NEB: variants seen among roughly 807,000 people sequenced by gnomAD.
NEB encodes nemaline myopathy type 2.
A neutral mutation model predicts 952.2 loss-of-function variants in NEB; 512 were observed. The ratio of observed to expected loss-of-function variants is 0.54; its 90% CI spans 0.50 to 0.58. The LOEUF (loss-of-function observed/expected upper bound fraction) is 0.58, where lower values mean the gene tolerates loss of function less well. NEB is among the 20% of genes least tolerant of loss of function. The pLI, the probability that NEB is intolerant of heterozygous loss-of-function variation, is 0.00. For missense variants in NEB, 8,428 were observed against 9,231.1 expected, an observed-to-expected ratio of 0.91 and a Z score of 3.56; for synonymous variants, 2,900 against 3,149.8, an observed-to-expected ratio of 0.92 and a Z score of 2.66.
chr2:151,677,482 G>GA (rs1392716581), intron 34 of NEB, 83 bp downstream of exon 34: 28 of 1,064,416 alleles, frequency 2.6e-5, no homozygotes, highest in South Asian at 2.9e-5. Context: ...TATTGGCCCA[G>GA]AAAAAAAATA....
intron 168 of NEB, among the ~76,000 whole-genome samples, chr2:151,500,108 G>C (rs1174307517): frequency 6.6e-6 from 1 of 151,804 alleles, no homozygotes; most frequent in African/African-American, 2.4e-5. Flanking sequence ...CAACCCACAG[G>C]GAAAACAATG....
intron 127 of NEB, among the ~76,000 whole-genome samples, chr2:151,553,033 A>G (rs1451734198): frequency 6.6e-6 from 1 of 152,226 alleles, no homozygotes; most frequent in Non-Finnish European, 1.5e-5. Context: ...TACAGTATTT[A>G]ATTTGCGTGG....
chr2:151,617,350 AACAGTTT>A lies in NEB; in HGVS notation c.11181+7_11181+13del. 6.6e-7 allele frequency: 1 copy of A among 1,511,832 alleles called. No homozygotes were observed. The highest frequency in any genetic ancestry group is 9.0e-7 in the Non-Finnish European group (1 of 1,110,064). The allele number at this position is 1,511,832 out of a possible 1,614,324, so 93.7% of individuals were successfully genotyped here. On this transcript the variant is annotated splice_region_variant and intron_variant, in intron 75 of 181. Coordinates refer to ENST00000397345, the MANE Select transcript of NEB (RefSeq NM_001164508.2). Reference sequence around the variant, plus strand: ...TTGCCTTTCTGTTCATTACAAGATCAACAGTTTACTTACATCACTGTAGTTTATTCGG... The same window carrying A: ...TTGCCTTTCTGTTCATTACAAGATCAACTTACATCACTGTAGTTTATTCGG...
intron 13 of NEB, among the ~76,000 whole-genome samples, chr2:151,700,013 T>C (rs1393135362): frequency 8.1e-6 from 1 of 123,760 alleles, no homozygotes; most frequent in Non-Finnish European, 1.7e-5. Context: ...CGTTTAAGTC[T>C]TTAATCCATC....
chr2:151,622,289 T>C (rs911672250), intron 71 of NEB, among the ~76,000 whole-genome samples: 2 of 152,192 alleles, frequency 1.3e-5, no homozygotes, highest in African/African-American at 4.8e-5. Flanking sequence ...CACCCAGCCA[T>C]GTTTGGTAAA....
In NEB at chr2:151,659,151, A is replaced by T. The variant is rs761695443; in HGVS notation, c.5989T>A (p.Trp1997Arg). Residue 1997 changes from tryptophan to arginine, a missense_variant, in exon 47 of 182, where the codon TGG becomes AGG. By Grantham distance (101) the Trp-to-Arg change is moderately radical (BLOSUM62 -3). Transcript: ENST00000397345. ...TGGACTTTGGTTTTGTCAGCCTCCC[A>T]TGCTTGTTTGTAGAGATGCTAGGAA... ...IMNEHLYKQAWEADKTKVHIM... is the reference protein window; with the variant it reads ...IMNEHLYKQAREADKTKVHIM... 2.5e-6 allele frequency: 4 copies of T among 1,612,080 alleles called. No individual in the cohort carries two copies. Among genetic ancestry groups the T allele is most frequent in the South Asian group, 2.2e-5 (2 of 91,014 alleles).
intron 52 of NEB, among the ~76,000 whole-genome samples, chr2:151,652,015 T>C (rs995258905): frequency 6.6e-6 from 1 of 152,094 alleles, no homozygotes; most frequent in African/African-American, 2.4e-5. Flanking sequence ...GATTGAAGAA[T>C]TTATAAAACT....
At chr2:151,524,286 C>A in intron 153 of NEB, 25 bp downstream of exon 153, 1 of 1,585,686 alleles carries the variant, frequency 6.3e-7, no homozygotes, top group Non-Finnish European at 8.7e-7. Flanking sequence ...CACATGAGAG[C>A]CACCAGTGCA....
chr2:151,506,131 A>C (rs1055851134), intron 164 of NEB, 35 bp downstream of exon 164: 17 of 1,524,250 alleles, frequency 1.1e-5, no homozygotes, highest in Admixed American at 5.0e-5. Context: ...AAAGGGAGGC[A>C]GAAAATATTG....
chr2:151,669,480 T>C (rs2099259833), intron 38 of NEB, among the ~76,000 whole-genome samples: 1 of 152,150 alleles, frequency 6.6e-6, no homozygotes, highest in Non-Finnish European at 1.5e-5. Flanking sequence ...ATGGAATCAT[T>C]GTAGCAAAGA....
At chr2:151,497,176 C>G in intron 171 of NEB, 143 bp from the exon 172 acceptor site, 1 of 1,272,632 alleles carries the variant, frequency 7.9e-7, no homozygotes, top group Non-Finnish European at 1.1e-6. Context: ...CAAAATGCCA[C>G]CGACTACTTT....
chr2:151,621,139 C>G, intron 71 of NEB, 113 bp from the exon 72 acceptor site: 1 of 667,272 alleles, frequency 1.5e-6, no homozygotes, highest in Non-Finnish European at 2.6e-6. Flanking sequence ...TATGTTCAGC[C>G]TTAAATCAGA....
At position 151,612,379 on chromosome 2, in the gene NEB, T is replaced by G; in HGVS notation, c.11612A>C (p.Lys3871Thr). ...GCCTCTCAGCCACTCAAGATCAGAT[T>G]TGTAAATAGCCTGAAAATGAAATAA... ...AYDLQSDAIY[K>T]SDLEWLRGIG... Residue 3871 changes from lysine (K) to threonine (T), a missense_variant, in exon 78 of 182, where the codon AAA becomes ACA. This residue lies in a region of NEB where 337 missense variants were observed against 297.5 expected (regional missense o/e 1.13). Coordinates refer to ENST00000397345, the MANE Select transcript of NEB (RefSeq NM_001164508.2). 2 of 1,613,578 alleles carry G rather than the reference T, an allele frequency of 1.2e-6. No individual in the cohort carries two copies. The highest frequency in any genetic ancestry group is 8.5e-7 in the Non-Finnish European group (1 of 1,179,628).
intron 137 of NEB, 47 bp downstream of exon 137, chr2:151,540,650 G>T (rs145062151): frequency 2.0e-6 from 3 of 1,527,232 alleles, no homozygotes; most frequent in Non-Finnish European, 1.8e-6. Context: ...TTTTAACAAA[G>T]TATTTTTCTT....
At position 151,537,173 on chromosome 2, in the gene NEB, CAGGGGTATCAT is replaced by C. The variant is rs2093337462; in HGVS notation, c.21155_21165del (p.Tyr7052Ter). ...TTGTTCTTTTCAGCCAGAGTGAAATCAGGGGTATCATAGGCATAGCAACCAATGCCTTTAAG... is the reference window on the plus strand; with the variant it reads ...TTGTTCTTTTCAGCCAGAGTGAAATCAGGCATAGCAACCAATGCCTTTAAG... On this transcript the variant is annotated frameshift_variant, in exon 141 of 182. Transcript: ENST00000397345. LOFTEE classifies it high-confidence loss of function. 1 of 1,612,986 alleles carries C rather than the reference CAGGGGTATCAT, an allele frequency of 6.2e-7. No homozygotes were observed. The highest frequency in any genetic ancestry group is 1.3e-5 in the African/African-American group (1 of 74,856).
rs751872533 is a variant in NEB, at chr2:151,529,211, T to C, written c.21734A>G (p.Asn7245Ser). 1.2e-5 allele frequency: 20 copies of C among 1,600,280 alleles called. No individual in the cohort carries two copies. Among genetic ancestry groups the C allele is most frequent in the Non-Finnish European group, 1.6e-5 (19 of 1,167,704 alleles). ...AAKDAYKVNT[N>S]LDYKKQYEAN... ...CTTGGGGAAGTTTCTGGAACTTACA[T>C]TGGTGTTGACTTTGTAGGCGTCCTT... The change falls in exon 146 of 182, where the codon AAT (asparagine) becomes AGT (serine). Residue 7245 changes from asparagine to serine, a missense_variant and splice_region_variant. Around this residue, in one of 11 missense-constraint regions of NEB, gnomAD observed 3,374 missense variants for 3,651.5 expected, o/e 0.92. Transcript: ENST00000397345.
rs181926631 is a variant in NEB at position 151,665,882 on chromosome 2, A to G, written c.5031+208T>C. Among the ~76,000 whole-genome samples, 161 of 152,320 alleles carry G rather than the reference A, an allele frequency of 1.1e-3. 2 individuals carry two copies. The highest frequency in any genetic ancestry group is 3.3e-3 in the African/African-American group (139 of 41,568). Reference sequence around the variant, plus strand: ...ACAACATCATATGTTTGGGTCTAATACCAACATTTTAAATATATTTGTATG... The same window carrying G: ...ACAACATCATATGTTTGGGTCTAATGCCAACATTTTAAATATATTTGTATG... On this transcript the variant is annotated intron_variant, in intron 41 of 181. Coordinates refer to ENST00000397345, the MANE Select transcript of NEB (RefSeq NM_001164508.2).
rs1424776223 is a variant in NEB, at chr2:151,576,268, G to A, written c.16791C>T (p.Ala5597=). 4.3e-6 allele frequency: 7 copies of A among 1,610,862 alleles called. No individual in the cohort carries two copies. Among genetic ancestry groups the A allele is most frequent in the African/African-American group, 2.7e-5 (2 of 74,648 alleles). Reference sequence around the variant, plus strand: ...AGACACTGTCACAAAAGATATTCTGGGCGTTTTTGACTCTCAACACTTCAG... The same window carrying A: ...AGACACTGTCACAAAAGATATTCTGAGCGTTTTTGACTCTCAACACTTCAG... The part of the protein sequence containing the change: ...GSPEVLRVKN[A]QNIFCDSVYR... The change falls in exon 106 of 182, where the codon GCC becomes GCT. Residue 5597 remains alanine (A), a synonymous_variant. Transcript: ENST00000397345.
At chr2:151,547,384 C>A (rs1048111728) in intron 133 of NEB, 45 bp downstream of exon 133, 3 of 1,440,198 alleles carry the variant, frequency 2.1e-6, no homozygotes, top group Non-Finnish European at 1.9e-6. Context: ...AGCAAGCCTG[C>A]GTCTTGGTAA....
Sources: gnomAD v4.1 joint callset for allele counts (sites outside exome capture counted in the v4.1 genomes callset) on GRCh38, gnomAD v4.1.1 for gene constraint, gnomAD v4.1.1 regional missense constraint, MANE v1.5 for transcripts, NCBI Gene and HGNC (gene_info 2026-07-23, HGNC 2026-07-21) for gene names.